Variants in UNC13C observed in about 807,000 individuals in gnomAD.
The protein encoded by UNC13C is protein unc-13 homolog C.
A neutral mutation model predicts 245.4 loss-of-function variants in UNC13C; 174 were observed. The observed-to-expected ratio is 0.71, with a 90% CI of 0.63 to 0.80. UNC13C has a LOEUF of 0.80. Among genes scored for constraint, UNC13C ranks in the 30% least tolerant of loss-of-function variants. The probability of loss-of-function intolerance (pLI) is 0.00; values close to 1 mark genes in which losing one functional copy is unlikely to be tolerated. For missense variants in UNC13C, 2,829 were observed against 2,602.9 expected (o/e 1.09, Z -1.89); for synonymous variants, 992 against 895.1 (o/e 1.11, Z -1.93).
In UNC13C at chr15:54,486,250, A is replaced by AACACACACACACACACACACACAC. The variant is rs59221050; in HGVS notation, c.4934-8342_4934-8319dup. Among the ~76,000 whole-genome samples the AACACACACACACACACACACACAC allele has an allele frequency of 3.0e-5, 4 of 131,994 alleles. 1 individual carries two copies. The highest frequency in any genetic ancestry group is 6.3e-5 in the Non-Finnish European group (4 of 63,454). 86.6% of individuals were successfully genotyped at this position (131,994 alleles called of 152,430 possible). A position where few individuals can be genotyped will look rare whatever the true frequency, so the allele number is the denominator to read the frequency against. On this transcript the variant is annotated intron_variant, in intron 19 of 32. Transcript: ENST00000260323. Reference sequence around the variant, plus strand: ...CGTGGTGAAAACCCAGATCTATTAAAACACACACACACACACACACACACA... The same window carrying AACACACACACACACACACACACAC: ...CGTGGTGAAAACCCAGATCTATTAAAACACACACACACACACACACACACACACACACACACACACACACACACA...
At chr15:54,300,417 A>G in intron 13 of UNC13C, 44 bp downstream of exon 13, 1 of 1,494,150 alleles carries the variant, frequency 6.7e-7, no homozygotes, top group Non-Finnish European at 9.0e-7. Context: ...CTCTATTAAA[A>G]TATAAAGAAA....
intron 2 of UNC13C, among the ~76,000 whole-genome samples, chr15:54,067,822 G>C (rs1898142497): frequency 6.6e-6 from 1 of 152,208 alleles, no homozygotes; most frequent in African/African-American, 2.4e-5. Flanking sequence ...GTGGGATGCT[G>C]TGAGACCTAG....
chr15:54,252,104 G>T (rs1567136155), intron 8 of UNC13C, among the ~76,000 whole-genome samples: 1 of 152,078 alleles, frequency 6.6e-6, no homozygotes, highest in Non-Finnish European at 1.5e-5. Flanking sequence ...AAAGTGAATT[G>T]CGTATAGGCA....
At chr15:54,148,760 T>C (rs2032388222) in intron 4 of UNC13C, among the ~76,000 whole-genome samples, 1 of 152,194 alleles carries the variant, frequency 6.6e-6, no homozygotes, top group East Asian at 1.9e-4. Context: ...GGGTCAGAAA[T>C]TCTCCTAAGC....
intron 30 of UNC13C, among the ~76,000 whole-genome samples, chr15:54,584,551 A>G (rs1898387930): frequency 6.6e-6 from 1 of 152,254 alleles, no homozygotes; most frequent in Non-Finnish European, 1.5e-5. Flanking sequence ...GAAAGTCCTT[A>G]TGAAGAAATT....
intron 19 of UNC13C, among the ~76,000 whole-genome samples, chr15:54,456,794 T>G (rs1243027479): frequency 6.6e-6 from 1 of 151,988 alleles, no homozygotes; most frequent in Non-Finnish European, 1.5e-5. Context: ...TTTTTAGGGT[T>G]TTCTAGGTAT....
intron 2 of UNC13C, among the ~76,000 whole-genome samples, chr15:54,102,634 A>G (rs77690071): frequency 0.012 from 1,904 of 152,334 alleles, 35 homozygotes; most frequent in African/African-American, 0.045. Flanking sequence ...ACTATTTTCT[A>G]CTTTCTCAAT....
At chr15:54,119,206 T>C (rs1193787440) in intron 2 of UNC13C, among the ~76,000 whole-genome samples, 1 of 152,256 alleles carries the variant, frequency 6.6e-6, no homozygotes, top group Non-Finnish European at 1.5e-5. Flanking sequence ...CTGAAAGATA[T>C]TGCGTTTTTT....
At chr15:53,904,821 G>C in the UNC13C span, among the ~76,000 whole-genome samples, 1 of 152,140 alleles carries the variant, frequency 6.6e-6, no homozygotes, top group African/African-American at 2.4e-5. Context: ...CCTTGGGCAA[G>C]TTACTTAGCC....
At chr15:54,600,862 C>T (rs1029164703) in intron 30 of UNC13C, among the ~76,000 whole-genome samples, 3 of 152,048 alleles carry the variant, frequency 2.0e-5, no homozygotes, top group Admixed American at 6.6e-5. Flanking sequence ...TAAGCCCATA[C>T]TCTCAGGTAA....
At chr15:53,899,252 A>G in the UNC13C span, among the ~76,000 whole-genome samples, 1 of 152,194 alleles carries the variant, frequency 6.6e-6, no homozygotes, top group Non-Finnish European at 1.5e-5. Context: ...ATTATTGTGT[A>G]TCCTTAATGC....
intron 4 of UNC13C, among the ~76,000 whole-genome samples, chr15:54,203,052 A>G (rs1210156634): frequency 1.3e-5 from 2 of 151,738 alleles, no homozygotes; most frequent in African/African-American, 4.8e-5. Context: ...CAAAAATAAA[A>G]AAGGCCAACA....
At chr15:53,882,246 T>C in the UNC13C span, among the ~76,000 whole-genome samples, 1 of 152,226 alleles carries the variant, frequency 6.6e-6, no homozygotes, top group East Asian at 1.9e-4. Flanking sequence ...TATGAACAAG[T>C]TCAAAAGCTT....
chr15:54,598,235 G>T (rs528474260), intron 30 of UNC13C, among the ~76,000 whole-genome samples: 1 of 152,232 alleles, frequency 6.6e-6, no homozygotes, highest in East Asian at 1.9e-4. Flanking sequence ...TGGGATTACA[G>T]GTGCATGCCA....
At chr15:54,589,638 C>T (rs1475268287) in intron 30 of UNC13C, among the ~76,000 whole-genome samples, 1 of 151,716 alleles carries the variant, frequency 6.6e-6, no homozygotes, top group East Asian at 1.9e-4. Flanking sequence ...CTAGTTATGT[C>T]TTTAGCCCAC....
chr15:53,860,118 A>C, the UNC13C span, among the ~76,000 whole-genome samples: 4 of 152,202 alleles, frequency 2.6e-5, no homozygotes, highest in Admixed American at 2.0e-4. Flanking sequence ...TGACAATGAC[A>C]TTTAAAGTAA....
At chr15:54,333,247 C>T (rs1210220247) in intron 15 of UNC13C, among the ~76,000 whole-genome samples, 2 of 152,078 alleles carry the variant, frequency 1.3e-5, no homozygotes, top group African/African-American at 4.8e-5. Flanking sequence ...TGCTTCTCAT[C>T]AAACCTCGCT....
At chr15:54,165,415 A>G (rs1182343736) in intron 4 of UNC13C, among the ~76,000 whole-genome samples, 1 of 152,170 alleles carries the variant, frequency 6.6e-6, no homozygotes, top group Non-Finnish European at 1.5e-5. Flanking sequence ...AATTCTCACA[A>G]CTATATTAAG....
At chr15:53,868,402 G>GA in the UNC13C span, among the ~76,000 whole-genome samples, 1 of 152,106 alleles carries the variant, frequency 6.6e-6, no homozygotes, top group South Asian at 2.1e-4. Flanking sequence ...AAAGTAGGTG[G>GA]AAAAAATTCA....
Sources: gnomAD v4.1 joint callset for allele counts (sites outside exome capture counted in the v4.1 genomes callset) on GRCh38, gnomAD v4.1.1 for gene constraint, MANE v1.5 for transcripts, NCBI Gene and HGNC (gene_info 2026-07-23, HGNC 2026-07-21) for gene names.